KAZN: variants seen among roughly 807,000 people sequenced by gnomAD.
The protein encoded by KAZN is kazrin.
KAZN carries 40 observed loss-of-function variants against 87.4 expected under a neutral mutation model. The ratio of observed to expected loss-of-function variants is 0.46; its 90% CI spans 0.36 to 0.60. KAZN has a LOEUF of 0.60. Ranked by LOEUF, KAZN falls within the 20% of genes least tolerant of loss-of-function variation. The probability of loss-of-function intolerance (pLI) is 0.00; values close to 1 mark genes in which losing one functional copy is unlikely to be tolerated. For synonymous variants in KAZN, 466 were observed against 458.3 expected, an observed-to-expected ratio of 1.02 and a Z score of -0.22; for missense variants, 898 against 1,073.9, an observed-to-expected ratio of 0.84 and a Z score of 2.29.
At chr1:14,919,849 C>T (rs1658304432) in intron 1 of KAZN, among the ~76,000 whole-genome samples, 1 of 152,128 alleles carries the variant, frequency 6.6e-6, no homozygotes, top group Non-Finnish European at 1.5e-5. Flanking sequence ...CTACAGTATT[C>T]AGTACAGTGA....
intron 2 of KAZN, among the ~76,000 whole-genome samples, chr1:14,260,382 A>G (rs1650916739): frequency 6.6e-6 from 1 of 152,214 alleles, no homozygotes; most frequent in Non-Finnish European, 1.5e-5. Flanking sequence ...CAGAGGTTTG[A>G]AAGGGTGAAG....
intron 5 of KAZN, among the ~76,000 whole-genome samples, chr1:15,059,664 G>A (rs982785671): frequency 3.9e-5 from 6 of 152,154 alleles, no homozygotes; most frequent in Non-Finnish European, 7.3e-5. Flanking sequence ...TGGGATATGG[G>A]GGAAAGAGAG....
At chr1:14,050,514 T>G (rs1642283460) in intron 1 of KAZN, among the ~76,000 whole-genome samples, 1 of 152,140 alleles carries the variant, frequency 6.6e-6, no homozygotes, top group East Asian at 1.9e-4. Context: ...AGAGAATATG[T>G]GACAGTGCAG....
intron 2 of KAZN, among the ~76,000 whole-genome samples, chr1:14,388,521 G>T (rs1322558129): frequency 6.6e-6 from 1 of 152,048 alleles, no homozygotes; most frequent in Non-Finnish European, 1.5e-5. Context: ...TAGATCAGTG[G>T]AACAGAGAAC....
chr1:14,025,146 A>G (rs1204388931), intron 1 of KAZN, among the ~76,000 whole-genome samples: 1 of 152,170 alleles, frequency 6.6e-6, no homozygotes, highest in African/African-American at 2.4e-5. Context: ...AGGGGAAGAC[A>G]TTTTTTGCAT....
chr1:14,099,516 C>T (rs933602099), intron 1 of KAZN, among the ~76,000 whole-genome samples: 2 of 152,112 alleles, frequency 1.3e-5, no homozygotes, highest in Non-Finnish European at 2.9e-5. Flanking sequence ...AGCCTGCCTG[C>T]TACCTGCCAC....
intron 2 of KAZN, among the ~76,000 whole-genome samples, chr1:14,268,123 A>G (rs933089597): frequency 6.6e-5 from 10 of 152,188 alleles, no homozygotes; most frequent in African/African-American, 2.2e-4. Context: ...AGCTAAGCCA[A>G]TGCAGCTAGT....
At chr1:15,088,805 G>A (rs897293224) in intron 8 of KAZN, among the ~76,000 whole-genome samples, 12 of 152,010 alleles carry the variant, frequency 7.9e-5, no homozygotes, top group Admixed American at 2.6e-4. Context: ...GAATAGGGGC[G>A]GTGAATAGCT....
chr1:15,076,928 C>T (rs61772221), intron 8 of KAZN, among the ~76,000 whole-genome samples: 11 of 152,192 alleles, frequency 7.2e-5, no homozygotes, highest in East Asian at 1.9e-4. Flanking sequence ...GACACTTACT[C>T]GCCTCATTTC....
chr1:15,075,641 T>C (rs1639705022), intron 8 of KAZN, among the ~76,000 whole-genome samples: 1 of 152,180 alleles, frequency 6.6e-6, no homozygotes, highest in Non-Finnish European at 1.5e-5. Context: ...CCTATGGGCC[T>C]CCAGAAGGGA....
intron 1 of KAZN, among the ~76,000 whole-genome samples, chr1:14,151,024 A>G (rs1045876355): frequency 6.6e-5 from 10 of 152,202 alleles, no homozygotes; most frequent in Non-Finnish European, 2.9e-5. Flanking sequence ...ATGTACCTAC[A>G]TTATAAAACT....
At chr1:14,311,284 C>A (rs149838069) in intron 2 of KAZN, among the ~76,000 whole-genome samples, 2,094 of 152,274 alleles carry the variant, frequency 0.014, 21 homozygotes, top group Middle Eastern at 0.048. Flanking sequence ...AACCTGACCT[C>A]TTTATGTCTT....
intron 1 of KAZN, among the ~76,000 whole-genome samples, chr1:14,050,033 A>T (rs1346097739): frequency 6.6e-6 from 1 of 151,900 alleles, no homozygotes; most frequent in East Asian, 1.9e-4. Flanking sequence ...GTGGGCATGC[A>T]TGTGCACGTG....
chr1:14,852,795 G>C (rs1649616291), intron 1 of KAZN, among the ~76,000 whole-genome samples: 1 of 152,202 alleles, frequency 6.6e-6, no homozygotes, highest in Non-Finnish European at 1.5e-5. Context: ...AGCTTTTATT[G>C]TGTGTCCTTG....
intron 2 of KAZN, among the ~76,000 whole-genome samples, chr1:14,343,707 T>C (rs1657902468): frequency 6.6e-6 from 1 of 152,184 alleles, no homozygotes; most frequent in African/African-American, 2.4e-5. Flanking sequence ...CCTAAAATGG[T>C]TTGCAAACAA....
intron 1 of KAZN, among the ~76,000 whole-genome samples, chr1:14,617,494 AAAAAAC>A (rs915189692): frequency 3.3e-5 from 5 of 152,202 alleles, no homozygotes; most frequent in Non-Finnish European, 5.9e-5. Context: ...TTTGATTTGT[AAAAAAC>A]AAAAACAAAA....
chr1:14,845,651 G>T (rs949375520), intron 1 of KAZN, among the ~76,000 whole-genome samples: 1 of 152,166 alleles, frequency 6.6e-6, no homozygotes, highest in Non-Finnish European at 1.5e-5. Context: ...CTGGATTGTA[G>T]TTTCCCAGAT....
At chr1:14,419,292 A>G (rs573024273) in intron 2 of KAZN, among the ~76,000 whole-genome samples, 6 of 152,324 alleles carry the variant, frequency 3.9e-5, no homozygotes, top group African/African-American at 1.4e-4. Context: ...CATAAAGCGC[A>G]AAAGAAAGAA....
intron 1 of KAZN, among the ~76,000 whole-genome samples, chr1:14,112,774 C>G (rs1488610336): frequency 6.6e-6 from 1 of 152,198 alleles, no homozygotes. Flanking sequence ...ACTAGGCTGG[C>G]TGTGCTTCTT....
Sources: gnomAD v4.1 joint callset for allele counts (sites outside exome capture counted in the v4.1 genomes callset) on GRCh38, gnomAD v4.1.1 for gene constraint, MANE v1.5 for transcripts, NCBI Gene and HGNC (gene_info 2026-07-23, HGNC 2026-07-21) for gene names.